SLC34A1: variants seen among roughly 807,000 people sequenced by gnomAD.
The protein encoded by SLC34A1 is solute carrier family 34 member 1.
A neutral mutation model predicts 51.4 loss-of-function variants in SLC34A1; 57 were observed. The observed-to-expected ratio is 1.11, with a 90% confidence interval of 0.90 to 1.38. The LOEUF is 1.38. Ranked by LOEUF, SLC34A1 falls within the 40% of genes most tolerant of loss-of-function variation. The pLI is 0.00. For missense variants in SLC34A1, 796 were observed against 835.6 expected (o/e 0.95, Z 0.58); for synonymous variants, 368 against 358.0 (o/e 1.03, Z -0.32).
chr5:177,386,132 G>A lies in SLC34A1; in HGVS notation c.255G>A (p.Lys85=), dbSNP rs1367797764. The part of the protein sequence containing the change: ...PAKLALEEEQ[K]PESRLVPKLR... ...AGCTGGCCCTGGAGGAGGAGCAGAA[G>A]CCAGGTGGGCCTGGGCTGGGGGTGG... is the stretch of plus-strand genomic sequence containing the variant. Residue 85 remains lysine (K), a synonymous_variant, in exon 3 of 13, where the codon AAG becomes AAA. Coordinates refer to ENST00000324417, the MANE Select transcript of SLC34A1 (RefSeq NM_003052.5). This position sits in a 1 kb window ranked among gnomAD's most constrained non-coding sequence, Gnocchi z 4.8. 4 of 1,613,710 alleles carry A rather than the reference G, an allele frequency of 2.5e-6. No individual in the cohort carries two copies. Among genetic ancestry groups the A allele is most frequent in the East Asian group, 2.2e-5 (1 of 44,868 alleles).
At chr5:177,387,676 A>C in intron 5 of SLC34A1, 86 bp from the exon 6 acceptor site, 3 of 1,123,126 alleles carry the variant, frequency 2.7e-6, no homozygotes, top group South Asian at 1.2e-5. Context: ...GGGGACTGGG[A>C]CGTGGGTGGG....
chr5:177,387,744 C>G lies in SLC34A1; in HGVS notation c.533-18C>G. The G allele has an allele frequency of 6.2e-7, 1 of 1,600,248 alleles. No individual in the cohort carries two copies. Among genetic ancestry groups the G allele is most frequent in the Non-Finnish European group, 8.6e-7 (1 of 1,167,474 alleles). On this transcript the variant is annotated intron_variant, in intron 5 of 12. Transcript: ENST00000324417. ...TGGGTGACCGTCAAATTCATTAGGA[C>G]GTCTTCTCTTCTACCAGTGCTGGAG...
In SLC34A1 at chr5:177,386,542, A is replaced by T. The variant is rs200152945; in HGVS notation, c.508A>T (p.Ile170Phe). Reference protein sequence around the residue: ...VQSSSTSTSIIVSMVSSGLLE... With the variant: ...VQSSSTSTSIFVSMVSSGLLE... ...GAGCTCCAGCACCTCCACATCCATCATCGTCAGCATGGTCTCCTCTGGCTG... is the reference window on the plus strand; with the variant it reads ...GAGCTCCAGCACCTCCACATCCATCTTCGTCAGCATGGTCTCCTCTGGCTG... Residue 170 changes from isoleucine to phenylalanine, a missense_variant, in exon 5 of 13, where the codon ATC (isoleucine) becomes TTC (phenylalanine). Transcript: ENST00000324417. This position sits in a 1 kb window ranked among gnomAD's most constrained non-coding sequence, Gnocchi z 4.8. 5.0e-6 allele frequency: 8 copies of T among 1,613,966 alleles called. No homozygotes were observed. Among genetic ancestry groups the T allele is most frequent in the Middle Eastern group, 1.7e-4 (1 of 6,060 alleles).
chr5:177,398,616 CAT>C lies in SLC34A1; in HGVS notation c.*331_*332del. ...ATTTCAGGTCCTCTGCACGTGTACACATGACTAGGATAGGCAGGAGTAAGGGT... is the reference window on the plus strand; with the variant it reads ...ATTTCAGGTCCTCTGCACGTGTACACGACTAGGATAGGCAGGAGTAAGGGT... On this transcript the variant is annotated 3_prime_UTR_variant, in exon 13 of 13. Coordinates refer to ENST00000324417, the MANE Select transcript of SLC34A1 (RefSeq NM_003052.5). This position sits in a 1 kb window ranked among gnomAD's most constrained non-coding sequence, Gnocchi z 4.7. 4.3e-6 allele frequency: 2 copies of C among 464,172 alleles called. No homozygotes were observed. Among genetic ancestry groups the C allele is most frequent in the Non-Finnish European group, 8.0e-6 (2 of 248,468 alleles). 28.8% of individuals were successfully genotyped at this position (464,172 alleles called of 1,614,324 possible). A position where few individuals can be genotyped will look rare whatever the true frequency, so the allele number is the denominator to read the frequency against.
At chr5:177,397,638 C>A in intron 12 of SLC34A1, 145 bp from the exon 13 acceptor site, 1 of 1,043,272 alleles carries the variant, frequency 9.6e-7, no homozygotes, top group Non-Finnish European at 1.5e-6. Flanking sequence ...TCGGGGTGAT[C>A]TCGGGGCAGG....
chr5:177,388,379 C>T lies in SLC34A1; in HGVS notation c.936+7C>T. On this transcript the variant is annotated splice_region_variant and intron_variant, in intron 8 of 12. Transcript: ENST00000324417. The surrounding 1 kb of genome is among the most constrained non-coding windows in gnomAD (Gnocchi z 4.3). ...CCACCCAGACTCCTTACAGGTGAGT[C>T]CCAGGCCTAACCCCAGGTAAGAGGA... The T allele has an allele frequency of 6.2e-7, 1 of 1,611,254 alleles. No homozygotes were observed. The highest frequency in any genetic ancestry group is 1.1e-5 in the South Asian group (1 of 90,984).
chr5:177,394,688 C>CTTT lies in SLC34A1; in HGVS notation c.1174+515_1174+517dup, dbSNP rs34736156. Among the ~76,000 whole-genome samples, 689 of 105,068 alleles carry CTTT rather than the reference C, an allele frequency of 6.6e-3. 14 individuals are homozygous for CTTT. The highest frequency in any genetic ancestry group is 0.026 in the African/African-American group (646 of 24,994). The allele number at this position is 105,068 out of a possible 152,430, so 68.9% of individuals were successfully genotyped here. On this transcript the variant is annotated intron_variant, in intron 10 of 12. Coordinates refer to ENST00000324417, the MANE Select transcript of SLC34A1 (RefSeq NM_003052.5). ...CTTGGGCAACATAGTGAGACTTTGT[C>CTTT]TTTTTTTTTTTTTTTTTTTTTTTTG...
chr5:177,396,827 C>G lies in SLC34A1; in HGVS notation c.1269C>G (p.Thr423=), dbSNP rs747709494. 2.5e-5 allele frequency: 41 copies of G among 1,614,122 alleles called. No homozygotes were observed. In the South Asian group the frequency reaches 4.0e-4, roughly 16 times the overall value. The stretch of plus-strand genomic sequence containing the variant: ...TGGTCCAGAGCAGTTCTGTGTTCAC[C>G]TCGGCCATCACCCCACTCATCGGTG... The part of the protein sequence containing the change: ...TFVVQSSSVF[T]SAITPLIGLG... Residue 423 remains threonine, a synonymous_variant, in exon 11 of 13, where the codon ACC becomes ACG. Coordinates refer to ENST00000324417, the MANE Select transcript of SLC34A1 (RefSeq NM_003052.5). The surrounding 1 kb of genome is among the most constrained non-coding windows in gnomAD (Gnocchi z 4.0).
intron 1 of SLC34A1, 64 bp from the exon 2 acceptor site, chr5:177,385,631 T>C (rs1254186220): frequency 2.6e-6 from 2 of 774,446 alleles, no homozygotes; most frequent in South Asian, 1.5e-5. Context: ...TCATGCGCCA[T>C]GGGGGTTTGT....
chr5:177,392,241 C>T (rs1213174387), intron 8 of SLC34A1, among the ~76,000 whole-genome samples: 2 of 152,214 alleles, frequency 1.3e-5, no homozygotes, highest in Non-Finnish European at 1.5e-5. Context: ...GTGGGTGAAT[C>T]ACCTGAGGTC....
Position 177,396,952 on chromosome 5 carries a change from C to T in SLC34A1, c.1294C>T (p.Leu432Phe). Residue 432 changes from leucine (L) to phenylalanine (F), a missense_variant and splice_region_variant, in exon 12 of 13, where the codon CTT becomes TTT. Physicochemically the swap from Leu to Phe is conservative, Grantham distance 22. Transcript: ENST00000324417. The surrounding 1 kb of genome is among the most constrained non-coding windows in gnomAD (Gnocchi z 4.0). ...FTSAITPLIGLGVISIERAYP... is the reference protein window; with the variant it reads ...FTSAITPLIGFGVISIERAYP... ...ACTTCCTCTCCCTCTGTCCCCAGGTCTTGGTGTGATCAGCATTGAGAGGGC... is the reference window on the plus strand; with the variant it reads ...ACTTCCTCTCCCTCTGTCCCCAGGTTTTGGTGTGATCAGCATTGAGAGGGC... The T allele has an allele frequency of 6.2e-7, 1 of 1,614,170 alleles. No individual in the cohort carries two copies.
In SLC34A1 at chr5:177,394,091, G is replaced by A; in HGVS notation, c.1070G>A (p.Gly357Glu). 2 of 1,614,056 alleles carry A rather than the reference G, an allele frequency of 1.2e-6. No homozygotes were observed. The highest frequency in any genetic ancestry group is 1.7e-6 in the Non-Finnish European group (2 of 1,180,032). Residue 357 changes from glycine to glutamate, a missense_variant, in exon 10 of 13, where the codon GGA becomes GAA. By Grantham distance (98) the Gly-to-Glu change is moderately conservative. Transcript: ENST00000324417. ...DLAVGLILLA[G>E]SLVLLCTCLI... is the part of the protein sequence containing the mutation. ...GCTGTGGGGCTCATCCTGCTGGCAG[G>A]ATCCCTGGTGCTGCTGTGCACCTGC... is the stretch of plus-strand genomic sequence containing the variant.
chr5:177,389,622 G>C (rs1434510134), intron 8 of SLC34A1: 2 of 1,537,050 alleles, frequency 1.3e-6, no homozygotes, highest in Non-Finnish European at 1.7e-6. Flanking sequence ...CTCACCACAA[G>C]CCTCTCTACT....
Position 177,385,624 on chromosome 5 carries a change from T to A in SLC34A1, c.-47-71T>A, listed in dbSNP as rs1762533615. 4 of 754,002 alleles carry A rather than the reference T, an allele frequency of 5.3e-6. No homozygotes were observed. In the South Asian group the frequency reaches 5.9e-5, roughly 11 times the overall value. 46.7% of individuals were successfully genotyped at this position (754,002 alleles called of 1,614,324 possible). A position where few individuals can be genotyped will look rare whatever the true frequency, so the allele number is the denominator to read the frequency against. On this transcript the variant is annotated intron_variant, in intron 1 of 12. Transcript: ENST00000324417. ...TTTGCTAGGTGTGTATTTGGAATCATGCGCCATGGGGGTTTGTGCAGGTGA... is the reference window on the plus strand; with the variant it reads ...TTTGCTAGGTGTGTATTTGGAATCAAGCGCCATGGGGGTTTGTGCAGGTGA...
rs141898673 is a variant in SLC34A1 at position 177,397,901 on chromosome 5, G to A, written c.1535G>A (p.Arg512His). 2.8e-5 allele frequency: 45 copies of A among 1,613,748 alleles called. No individual in the cohort carries two copies. The African/African-American group carries it at 3.6e-4, about 13-fold the overall frequency. Residue 512 changes from arginine to histidine, a missense_variant, in exon 13 of 13, where the codon CGC becomes CAC. Physicochemically the swap from Arg to His is conservative, Grantham distance 29 (BLOSUM62 0). Transcript: ENST00000324417. ...KALGKRTAKYRWFAVLYLLVC... is the reference protein window; with the variant it reads ...KALGKRTAKYHWFAVLYLLVC... ...CTGGGGAAACGCACGGCCAAGTACCGCTGGTTTGCCGTCCTCTATCTCCTT... is the reference window on the plus strand; with the variant it reads ...CTGGGGAAACGCACGGCCAAGTACCACTGGTTTGCCGTCCTCTATCTCCTT...
In SLC34A1 at chr5:177,388,466, T is replaced by C. The variant is rs969442800; in HGVS notation, c.936+94T>C. On this transcript the variant is annotated intron_variant, in intron 8 of 12. Transcript: ENST00000324417. This position sits in a 1 kb window ranked among gnomAD's most constrained non-coding sequence, Gnocchi z 4.3. ...AAATGCTCCAGATAGACCTTGAAGA[T>C]CATTTAGCCAGGAGAGGGCAAATAT... 3.7e-5 allele frequency: 41 copies of C among 1,121,690 alleles called. No individual in the cohort carries two copies. The highest frequency in any genetic ancestry group is 3.4e-4 in the Admixed American group (18 of 53,440). 69.5% of individuals were successfully genotyped at this position (1,121,690 alleles called of 1,614,324 possible).
At position 177,397,696 on chromosome 5, in the gene SLC34A1, C is replaced by T. The variant is rs1763015867; in HGVS notation, c.1417-87C>T. The stretch of plus-strand genomic sequence containing the variant: ...AACTTTCCTGCTGCCCAGACCAGAT[C>T]GGGGTTCCTATCATCTACCCCTGCT... On this transcript the variant is annotated intron_variant, in intron 12 of 12. Coordinates refer to ENST00000324417, the MANE Select transcript of SLC34A1 (RefSeq NM_003052.5). 9.7e-6 allele frequency: 15 copies of T among 1,546,916 alleles called. No homozygotes were observed. In the South Asian group the frequency reaches 1.3e-4, roughly 14 times the overall value.
chr5:177,398,369 ATGTGCC>A lies in SLC34A1; in HGVS notation c.*90_*95del, dbSNP rs1763041507. 1 of 1,522,270 alleles carries A rather than the reference ATGTGCC, an allele frequency of 6.6e-7. No individual in the cohort carries two copies. The highest frequency in any genetic ancestry group is 1.4e-5 in the African/African-American group (1 of 73,416). The allele number at this position is 1,522,270 out of a possible 1,614,324, so 94.3% of individuals were successfully genotyped here. ...AGGGAGGGTGTGTGTAGGTATGTGCATGTGCCTGTGCCACCCTGGGTGCCAGTCTCT... is the reference window on the plus strand; with the variant it reads ...AGGGAGGGTGTGTGTAGGTATGTGCATGTGCCACCCTGGGTGCCAGTCTCT... On this transcript the variant is annotated 3_prime_UTR_variant, in exon 13 of 13. Transcript: ENST00000324417. This position sits in a 1 kb window ranked among gnomAD's most constrained non-coding sequence, Gnocchi z 4.7.
Position 177,385,993 on chromosome 5 carries a change from A to C in SLC34A1, c.116A>C (p.His39Pro). 1 of 1,610,740 alleles carries C rather than the reference A, an allele frequency of 6.2e-7. No homozygotes were observed. Among genetic ancestry groups the C allele is most frequent in the Admixed American group, 1.7e-5 (1 of 59,980 alleles). Residue 39 changes from histidine (H) to proline (P), a missense_variant, in exon 3 of 13, where the codon CAC becomes CCC. Physicochemically the swap from His to Pro is moderately conservative, Grantham distance 77 (BLOSUM62 -2). Coordinates refer to ENST00000324417, the MANE Select transcript of SLC34A1 (RefSeq NM_003052.5). ...FAYVPSPQVL[H>P]RIPGTSAYAF... ...GACCAGGCTCCCTCCCTAGTCCTACACAGGATCCCGGGGACCTCTGCCTAT... is the reference window on the plus strand; with the variant it reads ...GACCAGGCTCCCTCCCTAGTCCTACCCAGGATCCCGGGGACCTCTGCCTAT...
Sources: gnomAD v4.1 joint callset for allele counts (sites outside exome capture counted in the v4.1 genomes callset) on GRCh38, gnomAD v4.1.1 for gene constraint, Gnocchi (gnomAD v3.1) non-coding constraint, MANE v1.5 for transcripts, NCBI Gene and HGNC (gene_info 2026-07-23, HGNC 2026-07-21) for gene names.